Variants in CPD observed in about 807,000 individuals in gnomAD.
CPD encodes metallocarboxypeptidase D.
CPD carries 69 observed loss-of-function variants against 138.3 expected under a neutral mutation model. That is an observed-to-expected ratio of 0.50 (90% CI 0.41 to 0.61). The LOEUF is 0.61. Ranked by LOEUF, CPD falls within the 20% of genes least tolerant of loss-of-function variation. The pLI is 0.00. For synonymous variants in CPD, 651 were observed against 642.1 expected, an observed-to-expected ratio of 1.01 and a Z score of -0.21; for missense variants, 1,432 against 1,733.3, an observed-to-expected ratio of 0.83 and a Z score of 3.09.
chr17:30,400,510 C>A (rs1220625165), intron 2 of CPD, among the ~76,000 whole-genome samples: 1 of 152,070 alleles, frequency 6.6e-6, no homozygotes, highest in Non-Finnish European at 1.5e-5. Flanking sequence ...GCTTTTCATT[C>A]ATTCCTGAAG....
chr17:30,397,883 T>TA (rs1261188234), intron 2 of CPD, among the ~76,000 whole-genome samples: 5 of 151,034 alleles, frequency 3.3e-5, no homozygotes, highest in African/African-American at 4.9e-5. Flanking sequence ...AAGTTTTATT[T>TA]AAAAAAAACT....
At chr17:30,404,422 G>T (rs1209161365) in intron 2 of CPD, among the ~76,000 whole-genome samples, 1 of 152,052 alleles carries the variant, frequency 6.6e-6, no homozygotes, top group Non-Finnish European at 1.5e-5. Context: ...TTGATGCATG[G>T]TAAATATCGT....
chr17:30,458,736 C>T (rs1276733682), intron 17 of CPD, among the ~76,000 whole-genome samples: 6 of 151,872 alleles, frequency 4.0e-5, no homozygotes, highest in Non-Finnish European at 7.4e-5. Flanking sequence ...TGTAGTGCTG[C>T]GCACCTGTAA....
In CPD at chr17:30,404,072, GAAATT is replaced by G. The variant is rs539362425; in HGVS notation, c.995-16767_995-16763del. 5.5e-3 allele frequency among the ~76,000 whole-genome samples: 845 copies of G among 152,268 alleles called. 8 individuals are homozygous for G. Among genetic ancestry groups the G allele is most frequent in the Non-Finnish European group, 8.7e-3 (592 of 67,980 alleles). ...TAGAGAAGGCAGAAATATAGGGAAAGAAATTAGATTAATGGTAACCCAGGGTCTGG... is the reference window on the plus strand; with the variant it reads ...TAGAGAAGGCAGAAATATAGGGAAAGAGATTAATGGTAACCCAGGGTCTGG... On this transcript the variant is annotated intron_variant, in intron 2 of 20. Coordinates refer to ENST00000225719, the MANE Select transcript of CPD (RefSeq NM_001304.5).
At chr17:30,432,445 G>GA (rs1247594865) in intron 8 of CPD, among the ~76,000 whole-genome samples, 3 of 152,080 alleles carry the variant, frequency 2.0e-5, no homozygotes, top group Non-Finnish European at 4.4e-5. Context: ...TTTTTTACAG[G>GA]AAAAAATTGC....
rs113652936 is a variant in CPD, at chr17:30,379,917, T to C, written c.746+191T>C. 0.012 allele frequency among the ~76,000 whole-genome samples: 1,868 copies of C among 152,250 alleles called. 38 individuals are homozygous for C. The highest frequency in any genetic ancestry group is 0.042 in the African/African-American group (1,757 of 41,540). Reference sequence around the variant, plus strand: ...TCCTGCTAATCATCAAAGAATTGCCTCCTAGAGGCTGTCATTTGTTCAAGG... The same window carrying C: ...TCCTGCTAATCATCAAAGAATTGCCCCCTAGAGGCTGTCATTTGTTCAAGG... On this transcript the variant is annotated intron_variant, in intron 1 of 20. Coordinates refer to ENST00000225719, the MANE Select transcript of CPD (RefSeq NM_001304.5). This position sits in a 1 kb window ranked among gnomAD's most constrained non-coding sequence, Gnocchi z 7.0.
chr17:30,430,946 T>C (rs1050111411), intron 7 of CPD, among the ~76,000 whole-genome samples: 5 of 152,176 alleles, frequency 3.3e-5, no homozygotes, highest in Non-Finnish European at 5.9e-5. Flanking sequence ...TGTGAACTAC[T>C]GTACGCAGCC....
At chr17:30,432,775 C>T (rs552276758) in intron 8 of CPD, among the ~76,000 whole-genome samples, 17 of 151,872 alleles carry the variant, frequency 1.1e-4, no homozygotes, top group South Asian at 2.1e-4. Context: ...AAAAATTAGC[C>T]GGTTGTGGTG....
chr17:30,405,057 C>T (rs1911771026), intron 2 of CPD, among the ~76,000 whole-genome samples: 1 of 152,022 alleles, frequency 6.6e-6, no homozygotes, highest in Non-Finnish European at 1.5e-5. Flanking sequence ...TAAGATGGGT[C>T]TCAATCAATT....
At chr17:30,424,495 T>C (rs1213502875) in intron 6 of CPD, among the ~76,000 whole-genome samples, 4 of 152,246 alleles carry the variant, frequency 2.6e-5, no homozygotes, top group Non-Finnish European at 5.9e-5. Context: ...TCTGTTGAGA[T>C]AGGCCCTGCC....
chr17:30,424,369 T>C (rs1020735314), intron 6 of CPD, among the ~76,000 whole-genome samples: 1 of 152,170 alleles, frequency 6.6e-6, no homozygotes, highest in Non-Finnish European at 1.5e-5. Flanking sequence ...TGATTGACTT[T>C]TCCTGATTTC....
chr17:30,379,572 G>A lies in CPD; in HGVS notation c.592G>A (p.Gly198Ser). 3 of 1,520,696 alleles carry A rather than the reference G, an allele frequency of 2.0e-6. No homozygotes were observed. The highest frequency in any genetic ancestry group is 2.5e-5 in the South Asian group (2 of 81,036). 94.2% of individuals were successfully genotyped at this position (1,520,696 alleles called of 1,614,324 possible). A position where few individuals can be genotyped will look rare whatever the true frequency, so the allele number is the denominator to read the frequency against. ...TGCCCGCGAGGGCGACTGTGGCTTC[G>A]GCGACGGCGGCCCGTCCGGGGCCAG... ...ERAREGDCGF[G>S]DGGPSGASGR... Residue 198 changes from glycine to serine, a missense_variant, in exon 1 of 21, where the codon GGC becomes AGC. Gly to Ser is a moderately conservative substitution (Grantham distance 56). Transcript: ENST00000225719. The surrounding 1 kb of genome is among the most constrained non-coding windows in gnomAD (Gnocchi z 7.0).
At chr17:30,416,739 T>C (rs576908476) in intron 2 of CPD, among the ~76,000 whole-genome samples, 1 of 152,334 alleles carries the variant, frequency 6.6e-6, no homozygotes, top group East Asian at 1.9e-4. Context: ...TGTTACCTCC[T>C]CATGAAGGCT....
intron 14 of CPD, among the ~76,000 whole-genome samples, chr17:30,452,216 T>A (rs1245611527): frequency 6.6e-6 from 1 of 152,184 alleles, no homozygotes; most frequent in Admixed American, 6.5e-5. Context: ...ATGGGACCTT[T>A]TTCATTGAAT....
intron 17 of CPD, among the ~76,000 whole-genome samples, chr17:30,458,663 T>A (rs1462325527): frequency 6.6e-6 from 1 of 152,104 alleles, no homozygotes; most frequent in Non-Finnish European, 1.5e-5. Context: ...TGTCAGGAGT[T>A]CAAGACCAGC....
intron 14 of CPD, among the ~76,000 whole-genome samples, chr17:30,453,097 T>G (rs1368957330): frequency 1.3e-5 from 2 of 152,176 alleles, no homozygotes; most frequent in Non-Finnish European, 2.9e-5. Context: ...CATATCATTC[T>G]GCCACTGGCC....
At position 30,438,927 on chromosome 17, in the gene CPD, G is replaced by T. The variant is rs543506250; in HGVS notation, c.2128-48G>T. ...CTGTATCTTTCCAGTATTTTTTTTT[G>T]ATGGAGATACAAACAAATAGAAGTA... On this transcript the variant is annotated intron_variant, in intron 8 of 20. Coordinates refer to ENST00000225719, the MANE Select transcript of CPD (RefSeq NM_001304.5). 41 of 1,099,224 alleles carry T rather than the reference G, an allele frequency of 3.7e-5. 1 individual carries two copies. In the Middle Eastern group the frequency reaches 1.3e-3, roughly 36 times the overall value. The allele number at this position is 1,099,224 out of a possible 1,614,324, so 68.1% of individuals were successfully genotyped here.
chr17:30,428,373 A>G (rs968550526), intron 7 of CPD, among the ~76,000 whole-genome samples: 20 of 152,248 alleles, frequency 1.3e-4, no homozygotes, highest in African/African-American at 4.8e-4. Flanking sequence ...CATGTATATG[A>G]ATGTTCAATG....
rs1912773381 is a variant in CPD, at chr17:30,438,915, G to C, written c.2128-60G>C. 7 of 1,049,224 alleles carry C rather than the reference G, an allele frequency of 6.7e-6. No individual in the cohort carries two copies. In the Admixed American group the frequency reaches 7.9e-5, roughly 12 times the overall value. 65.0% of individuals were successfully genotyped at this position (1,049,224 alleles called of 1,614,324 possible). On this transcript the variant is annotated intron_variant, in intron 8 of 20. Transcript: ENST00000225719. ...TTTATTATTTTCCTGTATCTTTCCA[G>C]TATTTTTTTTTGATGGAGATACAAA...
Sources: allele counts gnomAD v4.1 joint callset (sites outside exome capture counted in the v4.1 genomes callset), GRCh38; gene constraint gnomAD v4.1.1; non-coding constraint Gnocchi (gnomAD v3.1); transcripts MANE v1.5; gene names NCBI Gene and HGNC (gene_info 2026-07-23, HGNC 2026-07-21).